CLEC16A: variants seen among roughly 807,000 people sequenced by gnomAD.
CLEC16A encodes the protein C-type lectin domain containing 16A, also known as protein CLEC16A.
Under a neutral mutation model 109.5 loss-of-function variants are expected in CLEC16A, and 51 were observed. The ratio of observed to expected loss-of-function variants is 0.47; its 90% CI spans 0.37 to 0.59. The LOEUF (loss-of-function observed/expected upper bound fraction) is 0.59, where lower values mean the gene tolerates loss of function less well. CLEC16A is among the 20% of genes least tolerant of loss of function. CLEC16A has a pLI of 0.00. For synonymous variants in CLEC16A, 673 were observed against 564.2 expected, an observed-to-expected ratio of 1.19 and a Z score of -2.73; for missense variants, 1,339 against 1,394.0, an observed-to-expected ratio of 0.96 and a Z score of 0.63.
chr16:11,125,898 A>T, intron 21 of CLEC16A, 81 bp from the exon 22 acceptor site: 1 of 400,428 alleles, frequency 2.5e-6, no homozygotes, highest in Non-Finnish European at 5.1e-6. Flanking sequence ...CACAGCCACT[A>T]CGATGTCCCC....
At chr16:11,135,442 T>G (rs1199468980) in intron 22 of CLEC16A, among the ~76,000 whole-genome samples, 2 of 152,188 alleles carry the variant, frequency 1.3e-5, no homozygotes, top group Non-Finnish European at 2.9e-5. Context: ...TGGGGAGCCC[T>G]CTCTCGCTAA....
At chr16:11,066,471 C>G (rs1439084300) in intron 19 of CLEC16A, 1 of 152,350 alleles carries the variant, frequency 6.6e-6, no homozygotes, top group Non-Finnish European at 1.5e-5. Flanking sequence ...GCAGAAGGTG[C>G]TGAAGTTGGT....
chr16:11,126,564 C>G (rs961195113), intron 22 of CLEC16A: 10 of 499,186 alleles, frequency 2.0e-5, no homozygotes, highest in Non-Finnish European at 3.3e-5. Context: ...GAAGGCCGTG[C>G]TGCCCACAGG....
At chr16:11,177,075 A>T (rs990706258) in intron 23 of CLEC16A, among the ~76,000 whole-genome samples, 2 of 152,206 alleles carry the variant, frequency 1.3e-5, no homozygotes, top group Non-Finnish European at 1.5e-5. Context: ...TCAGACTCTT[A>T]GCTCGATATA....
intron 1 of CLEC16A, among the ~76,000 whole-genome samples, chr16:10,947,070 A>C (rs1397160376): frequency 6.6e-6 from 1 of 152,214 alleles, no homozygotes; most frequent in African/African-American, 2.4e-5. Flanking sequence ...TATCCTGGGA[A>C]CTGCCTGGGT....
Position 10,969,884 on chromosome 16 carries a change from G to A in CLEC16A, c.492+575G>A, listed in dbSNP as rs563371496. Among the ~76,000 whole-genome samples the A allele has an allele frequency of 2.6e-5, 4 of 152,272 alleles. No homozygotes were observed. In the East Asian group the frequency reaches 7.7e-4, roughly 29 times the overall value. On this transcript the variant is annotated intron_variant, in intron 4 of 23. Transcript: ENST00000409790. ...GGGATAAGAATATACATCTTGTAGG[G>A]TTATTAGGGGTTAAATTAAATGAGA...
intron 19 of CLEC16A, among the ~76,000 whole-genome samples, chr16:11,110,623 C>T (rs1057395292): frequency 2.0e-5 from 3 of 152,134 alleles, no homozygotes; most frequent in African/African-American, 7.2e-5. Context: ...ATGGCACTTC[C>T]GAGCAATTTG....
At chr16:11,048,754 C>G (rs765567168) in intron 17 of CLEC16A, among the ~76,000 whole-genome samples, 3 of 152,296 alleles carry the variant, frequency 2.0e-5, no homozygotes, top group Non-Finnish European at 2.9e-5. Flanking sequence ...CCAGCCCCTT[C>G]GAGAGAGGCT....
In CLEC16A at chr16:10,970,137, G is replaced by A. The variant is rs368809193; in HGVS notation, c.492+828G>A. Reference sequence around the variant, plus strand: ...GGTCGTGCTGGGGCTGGTTCATCCTGTGGTTCAACAGTATCAGCGAGGACC... The same window carrying A: ...GGTCGTGCTGGGGCTGGTTCATCCTATGGTTCAACAGTATCAGCGAGGACC... On this transcript the variant is annotated intron_variant, in intron 4 of 23. Coordinates refer to ENST00000409790, the MANE Select transcript of CLEC16A (RefSeq NM_015226.3). Among the ~76,000 whole-genome samples the A allele has an allele frequency of 7.2e-5, 11 of 152,312 alleles. No homozygotes were observed. The East Asian group carries it at 1.7e-3, about 24-fold the overall frequency.
At chr16:11,157,319 C>G (rs192220882) in intron 22 of CLEC16A, 1 of 961,024 alleles carries the variant, frequency 1.0e-6, no homozygotes, top group Non-Finnish European at 1.3e-6. Context: ...CATCCCTTCC[C>G]CAGGTGCCTG....
intron 19 of CLEC16A, among the ~76,000 whole-genome samples, chr16:11,061,831 G>A (rs907325028): frequency 3.3e-5 from 5 of 152,142 alleles, no homozygotes; most frequent in South Asian, 2.1e-4. Context: ...GGCTGGATCC[G>A]GGTGCTCAGA....
intron 23 of CLEC16A, among the ~76,000 whole-genome samples, chr16:11,173,191 A>G (rs534889163): frequency 9.9e-5 from 15 of 152,150 alleles, no homozygotes; most frequent in African/African-American, 2.4e-4. Flanking sequence ...CCCAAGTAAG[A>G]TATCGTCCCT....
intron 1 of CLEC16A, among the ~76,000 whole-genome samples, chr16:10,953,709 G>T (rs939404561): frequency 5.3e-5 from 8 of 152,236 alleles, no homozygotes; most frequent in African/African-American, 9.6e-5. Flanking sequence ...AGGCGCGGTG[G>T]CTCACGCCTG....
At chr16:11,026,918 C>T (rs2046437504) in intron 13 of CLEC16A, 2 of 941,378 alleles carry the variant, frequency 2.1e-6, no homozygotes, top group East Asian at 2.4e-5. Context: ...ACTGGGTCCT[C>T]CAGCGTGAGC....
chr16:10,991,142 G>A (rs2043981629), intron 10 of CLEC16A, among the ~76,000 whole-genome samples: 1 of 152,128 alleles, frequency 6.6e-6, no homozygotes, highest in Non-Finnish European at 1.5e-5. Context: ...CACGTTAGAT[G>A]TGAGAAGCCC....
rs1375489954 is a variant in CLEC16A at position 11,174,203 on chromosome 16, C to T, written c.2807-4132C>T. Reference sequence around the variant, plus strand: ...GACGAGTGTTCAGCCTGTCGGAGGCCGACAGTCATGGCGGCCACTGGGTTT... The same window carrying T: ...GACGAGTGTTCAGCCTGTCGGAGGCTGACAGTCATGGCGGCCACTGGGTTT... On this transcript the variant is annotated intron_variant, in intron 23 of 23. Coordinates refer to ENST00000409790, the MANE Select transcript of CLEC16A (RefSeq NM_015226.3). This position sits in a 1 kb window ranked among gnomAD's most constrained non-coding sequence, Gnocchi z 4.7. 7 of 469,370 alleles carry T rather than the reference C, an allele frequency of 1.5e-5. No individual in the cohort carries two copies. The highest frequency in any genetic ancestry group is 7.0e-5 in the East Asian group (1 of 14,386). The allele number at this position is 469,370 out of a possible 1,614,324, so 29.1% of individuals were successfully genotyped here.
chr16:11,033,301 G>A (rs2046849096), intron 13 of CLEC16A, among the ~76,000 whole-genome samples: 1 of 151,954 alleles, frequency 6.6e-6, no homozygotes, highest in African/African-American at 2.4e-5. Flanking sequence ...AAAGGAGGGG[G>A]CATGAAGGGA....
intron 1 of CLEC16A, among the ~76,000 whole-genome samples, chr16:10,952,603 T>C (rs951347902): frequency 1.4e-4 from 22 of 152,226 alleles, no homozygotes; most frequent in African/African-American, 2.4e-4. Context: ...AAACATTAAA[T>C]CTTAATCCAT....
Position 11,072,355 on chromosome 16 carries a change from G to A in CLEC16A, c.2116+11333G>A, listed in dbSNP as rs150193087. 3.1e-3 allele frequency among the ~76,000 whole-genome samples: 468 copies of A among 152,306 alleles called. 1 individual carries two copies. Among genetic ancestry groups the A allele is most frequent in the Non-Finnish European group, 5.0e-3 (337 of 68,024 alleles). ...GCTGGTCTCCAACTCCTGGCCTCAA[G>A]TGATCCTCCTGCTTCGGCTTCCCAA... On this transcript the variant is annotated intron_variant, in intron 19 of 23. Transcript: ENST00000409790.
Sources: allele counts gnomAD v4.1 joint callset (sites outside exome capture counted in the v4.1 genomes callset), GRCh38; gene constraint gnomAD v4.1.1; non-coding constraint Gnocchi (gnomAD v3.1); transcripts MANE v1.5; gene names NCBI Gene and HGNC (gene_info 2026-07-23, HGNC 2026-07-21).